USP31: variants seen among roughly 807,000 people sequenced by gnomAD.
USP31 encodes the protein ubiquitin carboxyl-terminal hydrolase 31.
Under a neutral mutation model 119.4 loss-of-function variants are expected in USP31, and 44 were observed. That is an observed-to-expected ratio of 0.37 (90% CI 0.29 to 0.47). The LOEUF (loss-of-function observed/expected upper bound fraction) is 0.47, where lower values mean the gene tolerates loss of function less well. Ranked by LOEUF, USP31 falls within the 20% of genes least tolerant of loss-of-function variation. USP31 has a pLI of 0.99. For missense variants in USP31, 1,643 were observed against 1,730.2 expected, an observed-to-expected ratio of 0.95 and a Z score of 0.89; for synonymous variants, 749 against 705.6, an observed-to-expected ratio of 1.06 and a Z score of -0.97.
intron 1 of USP31, among the ~76,000 whole-genome samples, chr16:23,142,898 C>T (rs909596963): frequency 6.6e-6 from 1 of 152,166 alleles, no homozygotes; most frequent in Non-Finnish European, 1.5e-5. Flanking sequence ...GTGGAAAACA[C>T]TGAAGTATCA....
chr16:23,068,092 G>C lies in USP31; in HGVS notation c.4013C>G (p.Ser1338Cys). Reference protein sequence around the residue: ...QSAEKSSKKLSSSMQTSARPS... With the variant: ...QSAEKSSKKLCSSMQTSARPS... Reference sequence around the variant, plus strand: ...CCGTGCAGAGGTTTGCATGCTAGAAGATAACTTTTTTGAGGATTTCTCTGC... The same window carrying C: ...CCGTGCAGAGGTTTGCATGCTAGAACATAACTTTTTTGAGGATTTCTCTGC... Residue 1338 changes from serine (S) to cysteine (C), a missense_variant, in exon 16 of 16, where the codon TCT (serine) becomes TGT (cysteine). Physicochemically the swap from Ser to Cys is moderately radical, Grantham distance 112 (BLOSUM62 -1). Coordinates refer to ENST00000219689, the MANE Select transcript of USP31 (RefSeq NM_020718.4). 1 of 1,614,232 alleles carries C rather than the reference G, an allele frequency of 6.2e-7. No homozygotes were observed. The highest frequency in any genetic ancestry group is 1.1e-5 in the South Asian group (1 of 91,076).
intron 1 of USP31, among the ~76,000 whole-genome samples, chr16:23,142,550 A>C (rs1903382948): frequency 6.6e-6 from 1 of 152,232 alleles, no homozygotes; most frequent in Admixed American, 6.5e-5. Flanking sequence ...GTGCACCAGC[A>C]GTGCAGGGGT....
chr16:23,082,829 C>CCCTTTTTTT (rs1900893510), intron 11 of USP31, among the ~76,000 whole-genome samples: 1 of 116,382 alleles, frequency 8.6e-6, no homozygotes, highest in African/African-American at 2.9e-5. Flanking sequence ...TTCTTTCTCT[C>CCCTTTTTTT]TCTTTTTTTT....
chr16:23,063,544 ATG>A lies in USP31; in HGVS notation c.*4500_*4501del, dbSNP rs1899938176. ...GCTAAATACAGTATGTACACCAATG[ATG>A]TGTGTTCAACATATCCAATTCCACT... On this transcript the variant is annotated 3_prime_UTR_variant, in exon 16 of 16. Coordinates refer to ENST00000219689, the MANE Select transcript of USP31 (RefSeq NM_020718.4). The A allele has an allele frequency of 6.6e-6, 1 of 152,594 alleles. No homozygotes were observed. The highest frequency in any genetic ancestry group is 2.4e-5 in the African/African-American group (1 of 41,440). 9.5% of individuals were successfully genotyped at this position (152,594 alleles called of 1,614,324 possible). A position where few individuals can be genotyped will look rare whatever the true frequency, so the allele number is the denominator to read the frequency against.
rs1205466526 is a variant in USP31, at chr16:23,113,060, C to G, written c.634-4877G>C. Among the ~76,000 whole-genome samples the G allele has an allele frequency of 2.0e-5, 3 of 151,926 alleles. No individual in the cohort carries two copies. In the East Asian group the frequency reaches 5.8e-4, roughly 29 times the overall value. On this transcript the variant is annotated intron_variant, in intron 1 of 15. Coordinates refer to ENST00000219689, the MANE Select transcript of USP31 (RefSeq NM_020718.4). Reference sequence around the variant, plus strand: ...AAAAAAGAATTAATAAAAAAAACATCATTAGCACTAATGAAACCTTGGTTG... The same window carrying G: ...AAAAAAGAATTAATAAAAAAAACATGATTAGCACTAATGAAACCTTGGTTG...
Position 23,108,163 on chromosome 16 carries a change from T to C in USP31, c.654A>G (p.Ala218=). The change falls in exon 2 of 16, where the codon GCA becomes GCG. Residue 218 remains alanine, a synonymous_variant. Coordinates refer to ENST00000219689, the MANE Select transcript of USP31 (RefSeq NM_020718.4). ...GTTGGGAATTTCCCCGGTACTGCAGTGCATTCTTTGACACAATAGTCTATG... is the reference window on the plus strand; with the variant it reads ...GTTGGGAATTTCCCCGGTACTGCAGCGCATTCTTTGACACAATAGTCTATG... ...RDFKTIVSKN[A]LQYRGNSQHD... is the part of the protein sequence containing the mutation. 1 of 1,613,002 alleles carries C rather than the reference T, an allele frequency of 6.2e-7. No individual in the cohort carries two copies. The highest frequency in any genetic ancestry group is 8.5e-7 in the Non-Finnish European group (1 of 1,179,520).
At chr16:23,115,381 G>C (rs1902456300) in intron 1 of USP31, among the ~76,000 whole-genome samples, 1 of 152,178 alleles carries the variant, frequency 6.6e-6, no homozygotes, top group Non-Finnish European at 1.5e-5. Flanking sequence ...ATGTGGGCCA[G>C]GTGTGTTGGC....
rs776993192 is a variant in USP31 at position 23,073,765 on chromosome 16, C to T, written c.2292G>A (p.Arg764=). ...CTGACCATGACGGGATGGCTGTCCG[C>T]CTCTGGTAGAAGAGGATGTATGCTG... The part of the protein sequence containing the change: ...TQTAYILFYQ[R]RTAIPSWSAN... Residue 764 remains arginine, a synonymous_variant, in exon 14 of 16, where the codon AGG becomes AGA. Coordinates refer to ENST00000219689, the MANE Select transcript of USP31 (RefSeq NM_020718.4). 20 of 1,613,440 alleles carry T rather than the reference C, an allele frequency of 1.2e-5. No homozygotes were observed. The African/African-American group carries it at 2.5e-4, about 20-fold the overall frequency.
intron 5 of USP31, among the ~76,000 whole-genome samples, 167 bp from the exon 6 acceptor site, chr16:23,102,630 C>A (rs1335306872): frequency 6.6e-6 from 1 of 152,162 alleles, no homozygotes; most frequent in African/African-American, 2.4e-5. Flanking sequence ...AAGCACAGTA[C>A]CCTCTGTAAT....
chr16:23,087,155 A>C lies in USP31; in HGVS notation c.1559T>G (p.Val520Gly), dbSNP rs1901147505. The change falls in exon 9 of 16, where the codon GTT (valine) becomes GGT (glycine). Residue 520 changes from valine (V) to glycine (G), a missense_variant. Physicochemically the swap from Val to Gly is moderately radical, Grantham distance 109 (BLOSUM62 -3). This residue lies in a region of USP31 where 219 missense variants were observed against 226.4 expected (regional missense o/e 0.97). Coordinates refer to ENST00000219689, the MANE Select transcript of USP31 (RefSeq NM_020718.4). Reference protein sequence around the residue: ...VCPFSLRVVSVVGITYLLPQE... With the variant: ...VCPFSLRVVSGVGITYLLPQE... The stretch of plus-strand genomic sequence containing the variant: ...GGGCAGCAAATATGTTATTCCAACA[A>C]CACTGACCACACGCAAGCTGAATGG... 1.2e-6 allele frequency: 2 copies of C among 1,613,734 alleles called. No individual in the cohort carries two copies. The highest frequency in any genetic ancestry group is 2.7e-5 in the African/African-American group (2 of 74,898).
At position 23,106,328 on chromosome 16, in the gene USP31, G is replaced by A. The variant is rs199525229; in HGVS notation, c.861-23C>T. The A allele has an allele frequency of 2.2e-4, 358 of 1,613,650 alleles. No individual in the cohort carries two copies. In the African/African-American group the frequency reaches 3.5e-3, roughly 16 times the overall value. On this transcript the variant is annotated intron_variant, in intron 3 of 15. Coordinates refer to ENST00000219689, the MANE Select transcript of USP31 (RefSeq NM_020718.4). ...GATCTTCAAAACAAAAAGGTAAGACGCTTGACATTAAAATCACCCAGAACG... is the reference window on the plus strand; with the variant it reads ...GATCTTCAAAACAAAAAGGTAAGACACTTGACATTAAAATCACCCAGAACG...
rs1325583080 is a variant in USP31 at position 23,066,962 on chromosome 16, C to T, written c.*1084G>A. On this transcript the variant is annotated 3_prime_UTR_variant, in exon 16 of 16. Transcript: ENST00000219689. ...GCATATGTAACACTTGATCACACAA[C>T]GCTTCAACATACCACCATTGGCTTT... 12 of 152,224 alleles carry T rather than the reference C, an allele frequency of 7.9e-5. No homozygotes were observed. Among genetic ancestry groups the T allele is most frequent in the Admixed American group, 3.3e-4 (5 of 15,288 alleles). The allele number at this position is 152,224 out of a possible 1,614,324, so 9.4% of individuals were successfully genotyped here.
chr16:23,072,538 G>A (rs1900390270), intron 14 of USP31: 1 of 568,842 alleles, frequency 1.8e-6, no homozygotes, highest in Admixed American at 3.4e-5. Context: ...TATTTATGAA[G>A]CATCTACATG....
chr16:23,087,795 C>T lies in USP31; in HGVS notation c.1456G>A (p.Ala486Thr). 3.1e-6 allele frequency: 5 copies of T among 1,614,022 alleles called. No homozygotes were observed. Among genetic ancestry groups the T allele is most frequent in the Non-Finnish European group, 4.2e-6 (5 of 1,180,018 alleles). ...ATTTCCTTCTGCAGAAGGTCCCAAG[C>T]TATTGTCTTCTCTAAGTGCAGCACA... ...PFVLHLEKTIAWDLLQKEILE... is the reference protein window; with the variant it reads ...PFVLHLEKTITWDLLQKEILE... The change falls in exon 8 of 16, where the codon GCT (alanine) becomes ACT (threonine). Residue 486 changes from alanine (A) to threonine (T), a missense_variant. Transcript: ENST00000219689.
chr16:23,097,028 C>T (rs937123936), intron 6 of USP31, among the ~76,000 whole-genome samples: 7 of 151,926 alleles, frequency 4.6e-5, no homozygotes, highest in Admixed American at 4.6e-4. Context: ...ACAAAAAACC[C>T]TTCAAAAAAA....
intron 7 of USP31, among the ~76,000 whole-genome samples, chr16:23,088,519 C>T (rs947479971): frequency 2.0e-5 from 3 of 152,168 alleles, no homozygotes; most frequent in Admixed American, 1.3e-4. Flanking sequence ...CTATCCTAGC[C>T]TCAACTCTCA....
At chr16:23,093,227 A>AAAACAC (rs1322304120) in intron 6 of USP31, among the ~76,000 whole-genome samples, 3 of 152,232 alleles carry the variant, frequency 2.0e-5, no homozygotes, top group African/African-American at 4.8e-5. Context: ...CTATCAAGAA[A>AAAACAC]GAGAAAAAAC....
At chr16:23,070,919 A>G (rs1045186586) in intron 15 of USP31, among the ~76,000 whole-genome samples, 1 of 152,184 alleles carries the variant, frequency 6.6e-6, no homozygotes, top group African/African-American at 2.4e-5. Flanking sequence ...GATGCTTAAA[A>G]GGATACTGAT....
Position 23,090,707 on chromosome 16 carries a change from C to A in USP31, c.1332G>T (p.Met444Ile), listed in dbSNP as rs776750858. 1.0e-4 allele frequency: 164 copies of A among 1,613,950 alleles called. No homozygotes were observed. The highest frequency in any genetic ancestry group is 1.4e-4 in the Non-Finnish European group (161 of 1,179,974). ...PTQTAAKQGK[M>I]DSPTSRAGSD... is the part of the protein sequence containing the mutation. ...TGCCTGCTCTTGATGTGGGAGAATC[C>A]ATTTTCCCCTGCTTTGCTGCTGTTT... The change falls in exon 7 of 16, where the codon ATG becomes ATT. Residue 444 changes from methionine to isoleucine, a missense_variant. Physicochemically the swap from Met to Ile is conservative, Grantham distance 10. Transcript: ENST00000219689.
Sources: allele counts gnomAD v4.1 joint callset (sites outside exome capture counted in the v4.1 genomes callset), GRCh38; gene constraint gnomAD v4.1.1; regional missense constraint gnomAD v4.1.1; transcripts MANE v1.5; gene names NCBI Gene and HGNC (gene_info 2026-07-23, HGNC 2026-07-21).